Variants in SAMD4B observed in about 807,000 individuals in gnomAD.
SAMD4B encodes sterile alpha motif domain containing 4B, also known as protein Smaug homolog 2.
SAMD4B carries 5 observed loss-of-function variants against 74.5 expected under a neutral mutation model. The observed-to-expected ratio is 0.07, with a 90% confidence interval of 0.04 to 0.14. The LOEUF (loss-of-function observed/expected upper bound fraction) is 0.14, where lower values mean the gene tolerates loss of function less well. Among genes scored for constraint, SAMD4B ranks in the 10% least tolerant of loss-of-function variants. The pLI is 1.00. For synonymous variants in SAMD4B, 373 were observed against 374.9 expected (o/e 1.00, Z 0.06); for missense variants, 608 against 921.8 (o/e 0.66, Z 4.41).
In SAMD4B at chr19:39,380,692, C is replaced by T. The variant is rs775964353; in HGVS notation, c.1755C>T (p.Pro585=). Residue 585 remains proline (P), a synonymous_variant, in exon 11 of 14, where the codon CCC becomes CCT. Coordinates refer to ENST00000610417, the MANE Select transcript of SAMD4B (RefSeq NM_001384574.2). The stretch of plus-strand genomic sequence containing the variant: ...CAATGCCTCCCCGGGCCCTCCCACC[C>T]GGCCGGATGGGCCTCCTGAGCCCCT... ...QFPMPPRALP[P]GRMGLLSPSG... is the part of the protein sequence containing the mutation. 75 of 1,612,836 alleles carry T rather than the reference C, an allele frequency of 4.7e-5. No individual in the cohort carries two copies. Among genetic ancestry groups the T allele is most frequent in the Admixed American group, 3.7e-4 (22 of 59,922 alleles).
intron 7 of SAMD4B, 72 bp downstream of exon 7, chr19:39,376,863 G>A: frequency 7.3e-7 from 1 of 1,365,642 alleles, no homozygotes; most frequent in Non-Finnish European, 1.0e-6. Context: ...AAGGCCCTGA[G>A]TTGGCCTCCA....
chr19:39,351,794 A>G (rs962691834), intron 1 of SAMD4B: 4 of 152,092 alleles, frequency 2.6e-5, no homozygotes, highest in Non-Finnish European at 5.9e-5. Context: ...GAGCAACCCT[A>G]ACCAAGAACT....
At chr19:39,359,782 G>A (rs1472570928) in intron 3 of SAMD4B, 3 of 152,138 alleles carry the variant, frequency 2.0e-5, no homozygotes, top group Non-Finnish European at 4.4e-5. Flanking sequence ...CATGGTACAT[G>A]TGGTCTTCAT....
chr19:39,357,146 T>G (rs889948693), intron 3 of SAMD4B, 57 bp downstream of exon 3: 1 of 1,466,304 alleles, frequency 6.8e-7, no homozygotes, highest in Non-Finnish European at 9.3e-7. Flanking sequence ...GGAACAGATG[T>G]CACATGGCTA....
In SAMD4B at chr19:39,369,965, T is replaced by G; in HGVS notation, c.507T>G (p.Arg169=). ...RSRPEPSYHS[R]QGSDEWGGPA... The stretch of plus-strand genomic sequence containing the variant: ...GGCCAGAGCCCTCCTACCATTCACG[T>G]CAAGGCTCAGATGAGTGGGGGGGCC... The change falls in exon 4 of 14, where the codon CGT becomes CGG. Residue 169 remains arginine (R), a synonymous_variant. Transcript: ENST00000610417. 1 of 1,613,682 alleles carries G rather than the reference T, an allele frequency of 6.2e-7. No homozygotes were observed. Among genetic ancestry groups the G allele is most frequent in the Non-Finnish European group, 8.5e-7 (1 of 1,179,846 alleles).
At chr19:39,358,869 G>A (rs1169595856) in intron 3 of SAMD4B, among the ~76,000 whole-genome samples, 1 of 152,176 alleles carries the variant, frequency 6.6e-6, no homozygotes, top group African/African-American at 2.4e-5. Flanking sequence ...CAGCTGCCTG[G>A]CCTCCCTCAT....
chr19:39,376,328 ATTT>A, intron 5 of SAMD4B, 106 bp from the exon 6 acceptor site: 3 of 856,876 alleles, frequency 3.5e-6, no homozygotes, highest in Non-Finnish European at 5.5e-6. Flanking sequence ...CCCCCTCCCA[ATTT>A]TTTGCATCTT....
intron 4 of SAMD4B, among the ~76,000 whole-genome samples, chr19:39,373,553 TGAAG>T (rs1213315708): frequency 2.0e-5 from 3 of 151,910 alleles, no homozygotes; most frequent in Non-Finnish European, 4.4e-5. Context: ...GACCGAGGCA[TGAAG>T]GGAGAAGTGG....
intron 10 of SAMD4B, among the ~76,000 whole-genome samples, 168 bp from the exon 11 acceptor site, chr19:39,380,419 A>G (rs1457154556): frequency 2.6e-5 from 4 of 152,216 alleles, no homozygotes; most frequent in Non-Finnish European, 5.9e-5. Flanking sequence ...ACCCTTGTAC[A>G]TGTCCCATCT....
At chr19:39,377,951 C>A in intron 8 of SAMD4B, 127 bp downstream of exon 8, 1 of 924,972 alleles carries the variant, frequency 1.1e-6, no homozygotes. Flanking sequence ...GACTGGAACA[C>A]TACAGAGAGT....
intron 1 of SAMD4B, among the ~76,000 whole-genome samples, chr19:39,347,199 A>G (rs186983534): frequency 1.3e-3 from 195 of 152,292 alleles, no homozygotes; most frequent in Admixed American, 2.5e-3. Flanking sequence ...TTCATCCTCA[A>G]CAAGCTTCTG....
chr19:39,343,982 A>ACCC lies in SAMD4B; in HGVS notation c.-267+1416_-267+1418dup, dbSNP rs141556423. The stretch of plus-strand genomic sequence containing the variant: ...CCCCTCTGATATGCAGGTTTTCAGG[A>ACCC]CCCCCCCCCCCCACACACACACACA... On this transcript the variant is annotated intron_variant, in intron 1 of 13. Transcript: ENST00000610417. Among the ~76,000 whole-genome samples the ACCC allele has an allele frequency of 1.5e-3, 80 of 52,810 alleles. 1 individual carries two copies. The highest frequency in any genetic ancestry group is 2.9e-3 in the Non-Finnish European group (60 of 20,802). The allele number at this position is 52,810 out of a possible 152,430, so 34.6% of individuals were successfully genotyped here.
downstream of SAMD4B, chr19:39,386,470 G>A (rs1263632175): frequency 6.2e-7 from 1 of 1,614,136 alleles, no homozygotes; most frequent in South Asian, 1.1e-5. This position sits in a 1 kb window ranked among gnomAD's most constrained non-coding sequence, Gnocchi z 6.1. Flanking sequence ...AGTCTGGCCT[G>A]TCCAGATTTA....
chr19:39,376,038 A>G (rs73930730), intron 5 of SAMD4B, 149 bp downstream of exon 5: 17,065 of 1,074,056 alleles, frequency 0.016, 282 homozygotes, highest in African/African-American at 0.077. Flanking sequence ...TTTAGGGCTC[A>G]GGACTAAGCA....
intron 3 of SAMD4B, among the ~76,000 whole-genome samples, chr19:39,368,671 C>G (rs79267369): frequency 0.021 from 3,163 of 152,130 alleles, 49 homozygotes; most frequent in Middle Eastern, 0.041. Context: ...TGTATGGGAT[C>G]GATTGGAAGG....
At chr19:39,388,049 G>T (rs563360628), downstream of SAMD4B, among the ~76,000 whole-genome samples, 1 of 152,308 alleles carries the variant, frequency 6.6e-6, no homozygotes, top group South Asian at 2.1e-4. Flanking sequence ...GCTGAGGCAG[G>T]AGAATCACTT....
In SAMD4B at chr19:39,378,681, G is replaced by T. The variant is rs764269781; in HGVS notation, c.1530+92G>T. ...CCCAGCACTTCGGCCACCGAGGCGG[G>T]CGGATCATGAGGTCAGGAGATCGAG... is the stretch of plus-strand genomic sequence containing the variant. On this transcript the variant is annotated intron_variant, in intron 9 of 13. Transcript: ENST00000610417. This position sits in a 1 kb window ranked among gnomAD's most constrained non-coding sequence, Gnocchi z 4.4. The T allele has an allele frequency of 4.8e-6, 5 of 1,050,826 alleles. No individual in the cohort carries two copies. The highest frequency in any genetic ancestry group is 7.2e-6 in the Non-Finnish European group (5 of 690,580). The allele number at this position is 1,050,826 out of a possible 1,614,324, so 65.1% of individuals were successfully genotyped here.
At chr19:39,389,051 C>A, downstream of SAMD4B, 1 of 1,612,912 alleles carries the variant, frequency 6.2e-7, no homozygotes, top group Non-Finnish European at 8.5e-7. The surrounding 1 kb of genome is among the most constrained non-coding windows in gnomAD (Gnocchi z 5.3). Flanking sequence ...AGGAGCTCTG[C>A]AGCCGCACCC....
At chr19:39,346,997 C>T (rs748158151) in intron 1 of SAMD4B, among the ~76,000 whole-genome samples, 10 of 152,114 alleles carry the variant, frequency 6.6e-5, no homozygotes, top group Non-Finnish European at 1.2e-4. Flanking sequence ...AAAAAAAAAG[C>T]TCATATCAGC....
Sources: allele counts gnomAD v4.1 joint callset (sites outside exome capture counted in the v4.1 genomes callset), GRCh38; gene constraint gnomAD v4.1.1; non-coding constraint Gnocchi (gnomAD v3.1); transcripts MANE v1.5; gene names NCBI Gene and HGNC (gene_info 2026-07-23, HGNC 2026-07-21).